Variants in UBFD1 observed in about 807,000 individuals in gnomAD.
UBFD1 encodes the protein ubiquitin domain-containing protein UBFD1.
UBFD1 carries 12 observed loss-of-function variants against 35.1 expected under a neutral mutation model. The ratio of observed to expected loss-of-function variants is 0.34; its 90% CI spans 0.22 to 0.55. The LOEUF is 0.55. Ranked by LOEUF, UBFD1 falls within the 20% of genes least tolerant of loss-of-function variation. The pLI is 0.89. For missense variants in UBFD1, 337 were observed against 410.8 expected (o/e 0.82, Z 1.55); for synonymous variants, 178 against 167.6 (o/e 1.06, Z -0.48).
chr16:23,570,643 G>A lies in UBFD1; in HGVS notation c.*53G>A, dbSNP rs546122553. ...CTGACCCAAAGTGAAGGACATTGCC[G>A]GGAGAGGCCTGCAGCATCCCTGGAT... On this transcript the variant is annotated 3_prime_UTR_variant, in exon 7 of 7. Coordinates refer to ENST00000395878, the MANE Select transcript of UBFD1 (RefSeq NM_019116.3). 15 of 1,424,678 alleles carry A rather than the reference G, an allele frequency of 1.1e-5. No homozygotes were observed. The highest frequency in any genetic ancestry group is 1.7e-5 in the Admixed American group (1 of 58,406). The allele number at this position is 1,424,678 out of a possible 1,614,324, so 88.3% of individuals were successfully genotyped here. A position where few individuals can be genotyped will look rare whatever the true frequency, so the allele number is the denominator to read the frequency against.
rs1965849106 is a variant in UBFD1 at position 23,558,077 on chromosome 16, AGGCAGCCT to A, written c.155_162del (p.Gly52AlafsTer40). On this transcript the variant is annotated frameshift_variant, in exon 2 of 7. Coordinates refer to ENST00000395878, the MANE Select transcript of UBFD1 (RefSeq NM_019116.3). LOFTEE classifies it high-confidence loss of function. Reference sequence around the variant, plus strand: ...CGGCCGAGGACTCCGGCGCCGCACGAGGCAGCCTGCAGCCGGCCCCGGCCCAGCCCCCT... The same window carrying A: ...CGGCCGAGGACTCCGGCGCCGCACGAGCAGCCGGCCCCGGCCCAGCCCCCT... The A allele has an allele frequency of 6.8e-7, 1 of 1,464,190 alleles. No individual in the cohort carries two copies. Among genetic ancestry groups the A allele is most frequent in the African/African-American group, 1.5e-5 (1 of 67,474 alleles). The allele number at this position is 1,464,190 out of a possible 1,614,324, so 90.7% of individuals were successfully genotyped here. A position where few individuals can be genotyped will look rare whatever the true frequency, so the allele number is the denominator to read the frequency against.
chr16:23,562,167 A>G (rs753709620), intron 3 of UBFD1, 39 bp from the exon 4 acceptor site: 1 of 1,572,186 alleles, frequency 6.4e-7, no homozygotes, highest in Non-Finnish European at 8.7e-7. Flanking sequence ...GACGAAATGT[A>G]GTCAGCTGTT....
Position 23,570,673 on chromosome 16 carries a change from G to A in UBFD1, c.*83G>A. The A allele has an allele frequency of 8.6e-7, 1 of 1,159,690 alleles. No individual in the cohort carries two copies. Among genetic ancestry groups the A allele is most frequent in the Non-Finnish European group, 1.3e-6 (1 of 787,840 alleles). 71.8% of individuals were successfully genotyped at this position (1,159,690 alleles called of 1,614,324 possible). On this transcript the variant is annotated 3_prime_UTR_variant, in exon 7 of 7. Transcript: ENST00000395878. ...AGGCCTGCAGCATCCCTGGATTTCA[G>A]AGTTCTGGAACTTTGTTCATAAAAA...
Position 23,558,219 on chromosome 16 carries a change from G to C in UBFD1, c.295G>C (p.Val99Leu), listed in dbSNP as rs895375420. 3 of 1,610,324 alleles carry C rather than the reference G, an allele frequency of 1.9e-6. No individual in the cohort carries two copies. Among genetic ancestry groups the C allele is most frequent in the Non-Finnish European group, 2.5e-6 (3 of 1,178,570 alleles). ...CATCTGGAATAAGACCAAGCATGAC[G>C]TGAAGTTCCCCCTGGACAGCACAGG... The part of the protein sequence containing the change: ...KIIWNKTKHD[V>L]KFPLDSTGSE... The change falls in exon 2 of 7, where the codon GTG (valine) becomes CTG (leucine). Residue 99 changes from valine to leucine, a missense_variant. Physicochemically the swap from Val to Leu is conservative, Grantham distance 32. Transcript: ENST00000395878.
rs548314646 is a variant in UBFD1 at position 23,562,559 on chromosome 16, C to T, written c.631-66C>T. ...CTGGGATTACAGGCGTGAGCCACCGCGCTTGGCCCCCTTCTCTTTTTTTCT... is the reference window on the plus strand; with the variant it reads ...CTGGGATTACAGGCGTGAGCCACCGTGCTTGGCCCCCTTCTCTTTTTTTCT... On this transcript the variant is annotated intron_variant, in intron 4 of 6. Coordinates refer to ENST00000395878, the MANE Select transcript of UBFD1 (RefSeq NM_019116.3). 111 of 1,479,462 alleles carry T rather than the reference C, an allele frequency of 7.5e-5. 1 individual carries two copies. In the South Asian group the frequency reaches 9.4e-4, roughly 13 times the overall value. 91.6% of individuals were successfully genotyped at this position (1,479,462 alleles called of 1,614,324 possible). A position where few individuals can be genotyped will look rare whatever the true frequency, so the allele number is the denominator to read the frequency against.
At chr16:23,567,231 A>G (rs1035000831) in intron 6 of UBFD1, among the ~76,000 whole-genome samples, 162 bp downstream of exon 6, 8 of 152,060 alleles carry the variant, frequency 5.3e-5, no homozygotes, top group Non-Finnish European at 1.0e-4. Context: ...AACTTAATCC[A>G]TGGCCTCTAT....
Position 23,557,766 on chromosome 16 carries a change from T to C in UBFD1, c.24T>C (p.Asp8=). ...TCATGGCGGCGGCCGGGGCCCCGGA[T>C]GGTGAGTGCGGCGGGGGTGGCGGGC... The part of the protein sequence containing the change: MAAAGAP[D]GMEEPGMDTE... The change falls in exon 1 of 7, where the codon GAT becomes GAC. Residue 8 remains aspartate (D), a splice_region_variant and synonymous_variant. Coordinates refer to ENST00000395878, the MANE Select transcript of UBFD1 (RefSeq NM_019116.3). 1 of 1,293,254 alleles carries C rather than the reference T, an allele frequency of 7.7e-7. No homozygotes were observed. The highest frequency in any genetic ancestry group is 9.8e-7 in the Non-Finnish European group (1 of 1,020,278). 80.1% of individuals were successfully genotyped at this position (1,293,254 alleles called of 1,614,324 possible).
chr16:23,573,380 C>T lies in UBFD1; in HGVS notation c.*2790C>T, dbSNP rs547009402. The stretch of plus-strand genomic sequence containing the variant: ...GGTGGTCCTCCTGCAGGTTCTGGCT[C>T]ACAGACATCATCATGCCTTTTTTTC... On this transcript the variant is annotated 3_prime_UTR_variant, in exon 7 of 7. Transcript: ENST00000395878. 2.0e-5 allele frequency: 3 copies of T among 152,326 alleles called. No homozygotes were observed. The East Asian group carries it at 5.8e-4, about 29-fold the overall frequency. 9.4% of individuals were successfully genotyped at this position (152,326 alleles called of 1,614,324 possible). A position where few individuals can be genotyped will look rare whatever the true frequency, so the allele number is the denominator to read the frequency against.
intron 2 of UBFD1, 69 bp from the exon 3 acceptor site, chr16:23,559,399 G>C (rs1965895037): frequency 7.2e-7 from 1 of 1,397,084 alleles, no homozygotes; most frequent in Non-Finnish European, 9.8e-7. Context: ...TTACCAAAGA[G>C]CTGTGTAGTA....
At chr16:23,562,080 A>T in intron 3 of UBFD1, 126 bp from the exon 4 acceptor site, 1 of 793,308 alleles carries the variant, frequency 1.3e-6, no homozygotes, top group Non-Finnish European at 2.0e-6. Flanking sequence ...AAGGATCCAT[A>T]GTCTGTCGTC....
chr16:23,567,094 C>T (rs761793299), intron 6 of UBFD1, 25 bp downstream of exon 6: 7 of 1,607,464 alleles, frequency 4.4e-6, no homozygotes, highest in Admixed American at 1.7e-5. Flanking sequence ...CTGAGTTCAG[C>T]CCCTCTCACT....
At chr16:23,558,868 C>A (rs1965877685) in intron 2 of UBFD1, among the ~76,000 whole-genome samples, 1 of 151,750 alleles carries the variant, frequency 6.6e-6, no homozygotes, top group Admixed American at 6.6e-5. Flanking sequence ...GCAGCCTCCG[C>A]CTCCCAGGTT....
In UBFD1 at chr16:23,572,813, C is replaced by T. The variant is rs1005067545; in HGVS notation, c.*2223C>T. ...ATATAAATAATAATGTAAATGACAC[C>T]TTTTCGTACGGAGCTGTTTGAGTAT... On this transcript the variant is annotated 3_prime_UTR_variant, in exon 7 of 7. Transcript: ENST00000395878. 1 of 152,414 alleles carries T rather than the reference C, an allele frequency of 6.6e-6. No individual in the cohort carries two copies. Among genetic ancestry groups the T allele is most frequent in the South Asian group, 2.1e-4 (1 of 4,834 alleles). The allele number at this position is 152,414 out of a possible 1,614,324, so 9.4% of individuals were successfully genotyped here.
Position 23,562,744 on chromosome 16 carries a change from C to T in UBFD1, c.736+14C>T, listed in dbSNP as rs200288830. On this transcript the variant is annotated intron_variant, in intron 5 of 6. Transcript: ENST00000395878. Reference sequence around the variant, plus strand: ...TTGGCACTAAAGGTATGTTCTTCCTCGCCTCCTTGCTGGCCCACTGCCTGC... The same window carrying T: ...TTGGCACTAAAGGTATGTTCTTCCTTGCCTCCTTGCTGGCCCACTGCCTGC... 33 of 1,610,772 alleles carry T rather than the reference C, an allele frequency of 2.0e-5. No homozygotes were observed. Among genetic ancestry groups the T allele is most frequent in the African/African-American group, 1.9e-4 (14 of 74,978 alleles).
At chr16:23,561,720 TG>T (rs1327677171) in intron 3 of UBFD1, 1 of 152,514 alleles carries the variant, frequency 6.6e-6, no homozygotes, top group East Asian at 1.9e-4. Context: ...TAGTGTTCTC[TG>T]GAAGTTTAAG....
chr16:23,563,844 C>T (rs1422856585), intron 5 of UBFD1, among the ~76,000 whole-genome samples: 1 of 152,212 alleles, frequency 6.6e-6, no homozygotes. Flanking sequence ...TGTGCCCTTA[C>T]CTGGAATGCC....
rs1391959411 is a variant in UBFD1, at chr16:23,571,622, T to C, written c.*1032T>C. On this transcript the variant is annotated 3_prime_UTR_variant, in exon 7 of 7. Transcript: ENST00000395878. ...AAGTTTTCAAGAAATTCTTAAGCAG[T>C]CCAAGGATGATTTCAATTATGCTTC... is the stretch of plus-strand genomic sequence containing the variant. The C allele has an allele frequency of 6.5e-6, 1 of 152,674 alleles. No individual in the cohort carries two copies. Among genetic ancestry groups the C allele is most frequent in the Non-Finnish European group, 1.5e-5 (1 of 68,056 alleles). 9.5% of individuals were successfully genotyped at this position (152,674 alleles called of 1,614,324 possible). A position where few individuals can be genotyped will look rare whatever the true frequency, so the allele number is the denominator to read the frequency against.
intron 6 of UBFD1, among the ~76,000 whole-genome samples, chr16:23,567,561 G>A (rs1386079226): frequency 6.6e-6 from 1 of 152,182 alleles, no homozygotes; most frequent in Non-Finnish European, 1.5e-5. Flanking sequence ...TCTGTGGAGC[G>A]TCTATTCTGC....
In UBFD1 at chr16:23,558,182, G is replaced by A; in HGVS notation, c.258G>A (p.Val86=). ...GCGGCGGCGCGGGCAGGGAGCTGGT[G>A]GACTTGAAGATCATCTGGAATAAGA... ...DAGGGAGREL[V]DLKIIWNKTK... Residue 86 remains valine, a synonymous_variant, in exon 2 of 7, where the codon GTG becomes GTA. Coordinates refer to ENST00000395878, the MANE Select transcript of UBFD1 (RefSeq NM_019116.3). 6.2e-7 allele frequency: 1 copy of A among 1,607,788 alleles called. No homozygotes were observed. Among genetic ancestry groups the A allele is most frequent in the East Asian group, 2.3e-5 (1 of 44,086 alleles).
Sources: allele counts gnomAD v4.1 joint callset (sites outside exome capture counted in the v4.1 genomes callset), GRCh38; gene constraint gnomAD v4.1.1; transcripts MANE v1.5; gene names NCBI Gene and HGNC (gene_info 2026-07-23, HGNC 2026-07-21).